SMOX: variants seen among roughly 807,000 people sequenced by gnomAD.
SMOX encodes the protein flavin containing amine oxidase.
A neutral mutation model predicts 51.0 loss-of-function variants in SMOX; 22 were observed. That is an observed-to-expected ratio of 0.43 (90% CI 0.31 to 0.62). The LOEUF (loss-of-function observed/expected upper bound fraction) is 0.62. SMOX is among the 20% of genes least tolerant of loss of function. The probability of loss-of-function intolerance (pLI) is 0.10; values close to 1 mark genes in which losing one functional copy is unlikely to be tolerated. For synonymous variants in SMOX, 282 were observed against 307.8 expected (o/e 0.92, Z 0.88); for missense variants, 566 against 777.7 (o/e 0.73, Z 3.24).
In SMOX at chr20:4,181,707, G is replaced by C. The variant is rs1199963640; in HGVS notation, c.436-96G>C. 2.1e-6 allele frequency: 3 copies of C among 1,423,090 alleles called. No individual in the cohort carries two copies. Among genetic ancestry groups the C allele is most frequent in the Non-Finnish European group, 2.9e-6 (3 of 1,035,944 alleles). 88.2% of individuals were successfully genotyped at this position (1,423,090 alleles called of 1,614,324 possible). On this transcript the variant is annotated intron_variant, in intron 3 of 6. Coordinates refer to ENST00000305958, the MANE Select transcript of SMOX (RefSeq NM_175839.3). This position sits in a 1 kb window ranked among gnomAD's most constrained non-coding sequence, Gnocchi z 5.6. Reference sequence around the variant, plus strand: ...GAGACCAGGGGCTCAGTGCATCCAGGGGACACCTGGGAACTGGTGGGTTTG... The same window carrying C: ...GAGACCAGGGGCTCAGTGCATCCAGCGGACACCTGGGAACTGGTGGGTTTG...
chr20:4,161,948 C>T (rs900745253), intron 1 of SMOX, among the ~76,000 whole-genome samples: 8 of 152,250 alleles, frequency 5.3e-5, no homozygotes, highest in Admixed American at 5.2e-4. Flanking sequence ...GAACGTGCCC[C>T]CCGCCTGCCC....
At chr20:4,162,803 A>T (rs894770617) in intron 1 of SMOX, among the ~76,000 whole-genome samples, 2 of 152,262 alleles carry the variant, frequency 1.3e-5, no homozygotes, top group Non-Finnish European at 2.9e-5. Flanking sequence ...AAGATCACTC[A>T]GAGCTAGACC....
At chr20:4,169,901 A>G (rs1986750783) in intron 1 of SMOX, among the ~76,000 whole-genome samples, 1 of 151,648 alleles carries the variant, frequency 6.6e-6, no homozygotes, top group African/African-American at 2.4e-5. Flanking sequence ...GAGGCTCCAG[A>G]CTTTTGGTGA....
chr20:4,149,687 C>T lies in SMOX; in HGVS notation c.-27+710C>T, dbSNP rs1409939571. 2.0e-5 allele frequency among the ~76,000 whole-genome samples: 3 copies of T among 152,112 alleles called. No individual in the cohort carries two copies. The East Asian group carries it at 5.8e-4, about 29-fold the overall frequency. On this transcript the variant is annotated intron_variant, in intron 1 of 6. Coordinates refer to ENST00000305958, the MANE Select transcript of SMOX (RefSeq NM_175839.3). This position sits in a 1 kb window ranked among gnomAD's most constrained non-coding sequence, Gnocchi z 6.0. ...CTGCCCTGGGGTAGGGGCGAGGGCT[C>T]CTTTAGAGCAGTTGAGGGGCCCGCG...
intron 3 of SMOX, among the ~76,000 whole-genome samples, chr20:4,178,694 T>C (rs1243610619): frequency 6.6e-6 from 1 of 151,526 alleles, no homozygotes; most frequent in Non-Finnish European, 1.5e-5. Flanking sequence ...CTTTCTTTTT[T>C]TTTTTTGAGA....
At chr20:4,185,614 A>G (rs1328838594) in intron 6 of SMOX, among the ~76,000 whole-genome samples, 1 of 103,446 alleles carries the variant, frequency 9.7e-6, no homozygotes, top group Non-Finnish European at 1.8e-5. Context: ...GTCTCAAAAC[A>G]AAAACCAAAA....
chr20:4,177,451 C>T lies in SMOX; in HGVS notation c.309C>T (p.Thr103=), dbSNP rs768024056. 23 of 1,569,454 alleles carry T rather than the reference C, an allele frequency of 1.5e-5. No individual in the cohort carries two copies. The highest frequency in any genetic ancestry group is 5.4e-5 in the African/African-American group (4 of 74,150). The change falls in exon 3 of 7, where the codon ACC becomes ACT. Residue 103 remains threonine (T), a synonymous_variant. Coordinates refer to ENST00000305958, the MANE Select transcript of SMOX (RefSeq NM_175839.3). This position sits in a 1 kb window ranked among gnomAD's most constrained non-coding sequence, Gnocchi z 4.3. The part of the protein sequence containing the change: ...AEANGLLEET[T]DGERSVGRIS... ...CCAACGGCCTCCTGGAAGAGACAACCGATGGGGAACGCAGCGTGGGCCGCA... is the reference window on the plus strand; with the variant it reads ...CCAACGGCCTCCTGGAAGAGACAACTGATGGGGAACGCAGCGTGGGCCGCA...
intron 1 of SMOX, among the ~76,000 whole-genome samples, chr20:4,171,148 C>A (rs1219988272): frequency 1.3e-5 from 2 of 152,168 alleles, no homozygotes; most frequent in Non-Finnish European, 2.9e-5. Context: ...TCTGTTTCTC[C>A]TGTGCATACA....
In SMOX at chr20:4,166,563, A is replaced by G. The variant is rs905780711; in HGVS notation, c.-26-8467A>G. ...TTCTTCCCCTCCTCCACCCCCAGTTAGGTTTCTAGTTGAGTAGTCTCCTGG... is the reference window on the plus strand; with the variant it reads ...TTCTTCCCCTCCTCCACCCCCAGTTGGGTTTCTAGTTGAGTAGTCTCCTGG... On this transcript the variant is annotated intron_variant, in intron 1 of 6. Transcript: ENST00000305958. This position sits in a 1 kb window ranked among gnomAD's most constrained non-coding sequence, Gnocchi z 4.2. Among the ~76,000 whole-genome samples, 7 of 152,120 alleles carry G rather than the reference A, an allele frequency of 4.6e-5. No homozygotes were observed. Among genetic ancestry groups the G allele is most frequent in the Admixed American group, 1.3e-4 (2 of 15,268 alleles).
rs761174475 is a variant in SMOX at position 4,181,752 on chromosome 20, G to C, written c.436-51G>C. The C allele has an allele frequency of 1.3e-6, 2 of 1,585,294 alleles. No homozygotes were observed. The highest frequency in any genetic ancestry group is 3.5e-4 in the Middle Eastern group (2 of 5,696). On this transcript the variant is annotated intron_variant, in intron 3 of 6. Coordinates refer to ENST00000305958, the MANE Select transcript of SMOX (RefSeq NM_175839.3). The surrounding 1 kb of genome is among the most constrained non-coding windows in gnomAD (Gnocchi z 5.6). Reference sequence around the variant, plus strand: ...GGTTTGGGTTGGGGGCCTTCTGTTTGAGATGGAGGTGTGATGAGGTGTTTT... The same window carrying C: ...GGTTTGGGTTGGGGGCCTTCTGTTTCAGATGGAGGTGTGATGAGGTGTTTT...
chr20:4,173,520 T>C (rs1978587933), intron 1 of SMOX, among the ~76,000 whole-genome samples: 1 of 152,202 alleles, frequency 6.6e-6, no homozygotes, highest in East Asian at 1.9e-4. Context: ...CTGTTACGAA[T>C]ATAGGTGCTG....
rs769920708 is a variant in SMOX at position 4,182,460 on chromosome 20, T to C, written c.981T>C (p.His327=). The C allele has an allele frequency of 1.1e-5, 17 of 1,599,410 alleles. No individual in the cohort carries two copies. The highest frequency in any genetic ancestry group is 3.4e-5 in the Admixed American group (2 of 59,308). The change falls in exon 5 of 7, where the codon CAT becomes CAC. Residue 327 remains histidine, a synonymous_variant. Transcript: ENST00000305958. The surrounding 1 kb of genome is among the most constrained non-coding windows in gnomAD (Gnocchi z 8.4). Reference sequence around the variant, plus strand: ...ACTGTGAGCTGATCCCGGCGGACCATGTGATTGTGACCGTGTCGCTAGGTG... The same window carrying C: ...ACTGTGAGCTGATCCCGGCGGACCACGTGATTGTGACCGTGTCGCTAGGTG... ...CEDCELIPAD[H]VIVTVSLGVL...
In SMOX at chr20:4,153,850, C is replaced by G. The variant is rs6139330; in HGVS notation, c.-27+4873C>G. 0.058 allele frequency among the ~76,000 whole-genome samples: 8,882 copies of G among 152,194 alleles called. 397 individuals carry two copies. The highest frequency in any genetic ancestry group is 0.22 in the East Asian group (1,124 of 5,176). ...AGGCTGTGGCCAAGCCTGAGGCGGG[C>G]AGGCTAGAGCTGAGGTGGACTTCCT... On this transcript the variant is annotated intron_variant, in intron 1 of 6. Coordinates refer to ENST00000305958, the MANE Select transcript of SMOX (RefSeq NM_175839.3). This position sits in a 1 kb window ranked among gnomAD's most constrained non-coding sequence, Gnocchi z 4.4.
intron 1 of SMOX, among the ~76,000 whole-genome samples, chr20:4,157,130 G>T (rs775259554): frequency 6.6e-6 from 1 of 152,166 alleles, no homozygotes; most frequent in Non-Finnish European, 1.5e-5. Flanking sequence ...CATCTCAGAG[G>T]TTAACACAGC....
At chr20:4,164,745 G>A (rs1157509134) in intron 1 of SMOX, among the ~76,000 whole-genome samples, 5 of 152,146 alleles carry the variant, frequency 3.3e-5, no homozygotes, top group African/African-American at 1.2e-4. Context: ...TCTGGGTTTC[G>A]GCTGTGTCAG....
chr20:4,173,634 T>G (rs1978596749), intron 1 of SMOX, among the ~76,000 whole-genome samples: 1 of 152,152 alleles, frequency 6.6e-6, no homozygotes, highest in Non-Finnish European at 1.5e-5. Context: ...ATGCGCAGCT[T>G]TATTAGGTAC....
chr20:4,175,862 T>C (rs1765014), intron 2 of SMOX, among the ~76,000 whole-genome samples: 53,402 of 130,482 alleles, frequency 0.41, 10,533 homozygotes, highest in Admixed American at 0.47. Context: ...GAAAATTGCC[T>C]GAAATCCCTA....
In SMOX at chr20:4,149,667, C is replaced by T. The variant is rs1250651276; in HGVS notation, c.-27+690C>T. Among the ~76,000 whole-genome samples the T allele has an allele frequency of 6.6e-6, 1 of 152,176 alleles. No individual in the cohort carries two copies. Among genetic ancestry groups the T allele is most frequent in the Non-Finnish European group, 1.5e-5 (1 of 68,016 alleles). On this transcript the variant is annotated intron_variant, in intron 1 of 6. Coordinates refer to ENST00000305958, the MANE Select transcript of SMOX (RefSeq NM_175839.3). The surrounding 1 kb of genome is among the most constrained non-coding windows in gnomAD (Gnocchi z 6.0). ...GGAGGGGCTGAGGGAAGCCACTGCC[C>T]TGGGGTAGGGGCGAGGGCTCCTTTA...
chr20:4,164,701 G>A (rs954906442), intron 1 of SMOX, among the ~76,000 whole-genome samples: 4 of 152,160 alleles, frequency 2.6e-5, no homozygotes, highest in African/African-American at 9.7e-5. Context: ...TCAAAACAGG[G>A]CTGATACCTT....
Sources: gnomAD v4.1 joint callset for allele counts (sites outside exome capture counted in the v4.1 genomes callset) on GRCh38, gnomAD v4.1.1 for gene constraint, Gnocchi (gnomAD v3.1) non-coding constraint, MANE v1.5 for transcripts, NCBI Gene and HGNC (gene_info 2026-07-23, HGNC 2026-07-21) for gene names.